Variants in EEF2K observed in about 807,000 individuals in gnomAD.
EEF2K encodes the protein alternative protein EEF2K.
In EEF2K, 70 loss-of-function variants were observed where a neutral mutation model predicts 93.8. The observed-to-expected ratio is 0.75, with a 90% CI of 0.62 to 0.91. EEF2K has a LOEUF of 0.91. Among genes scored for constraint, EEF2K ranks in the 40% least tolerant of loss-of-function variants. The probability of loss-of-function intolerance (pLI) is 0.00; values close to 1 mark genes in which losing one functional copy is unlikely to be tolerated. For synonymous variants in EEF2K, 376 were observed against 380.8 expected, an observed-to-expected ratio of 0.99 and a Z score of 0.15; for missense variants, 935 against 972.9, an observed-to-expected ratio of 0.96 and a Z score of 0.52.
intron 16 of EEF2K, among the ~76,000 whole-genome samples, chr16:22,279,436 G>A (rs932139817): frequency 6.6e-6 from 1 of 151,344 alleles, no homozygotes; most frequent in Non-Finnish European, 1.5e-5. Flanking sequence ...TAATTTTTGT[G>A]GGTACATAGT....
intron 3 of EEF2K, among the ~76,000 whole-genome samples, 165 bp from the exon 4 acceptor site, chr16:22,248,590 A>G (rs184163995): frequency 5.1e-4 from 77 of 152,290 alleles, no homozygotes; most frequent in Admixed American, 1.8e-3. Flanking sequence ...AGGGAGGGAC[A>G]GTGTCTCCAA....
intron 16 of EEF2K, among the ~76,000 whole-genome samples, chr16:22,277,571 A>G (rs2047649594): frequency 2.0e-5 from 3 of 152,250 alleles, no homozygotes; most frequent in South Asian, 2.1e-4. Context: ...GTAGACAAAT[A>G]CAGCAAAATA....
intron 6 of EEF2K, among the ~76,000 whole-genome samples, chr16:22,253,603 T>C (rs770641805): frequency 6.6e-6 from 1 of 152,066 alleles, no homozygotes; most frequent in Non-Finnish European, 1.5e-5. Flanking sequence ...AGCCAGCCCA[T>C]CTCAGACAAC....
At chr16:22,244,553 G>A in intron 2 of EEF2K, 77 bp from the exon 3 acceptor site, 1 of 1,382,036 alleles carries the variant, frequency 7.2e-7, no homozygotes, top group Admixed American at 1.7e-5. Flanking sequence ...GAAATAACAG[G>A]GCAGGAGGAG....
intron 16 of EEF2K, among the ~76,000 whole-genome samples, chr16:22,278,621 G>T (rs1344592893): frequency 6.6e-6 from 1 of 152,196 alleles, no homozygotes; most frequent in Non-Finnish European, 1.5e-5. Context: ...GCAAGGCAGG[G>T]ACAGCAAGTC....
At chr16:22,281,334 T>G (rs1351819795) in intron 17 of EEF2K, among the ~76,000 whole-genome samples, 2 of 151,268 alleles carry the variant, frequency 1.3e-5, no homozygotes, top group Admixed American at 6.6e-5. Flanking sequence ...GGAACTCCTA[T>G]GCTCAAGCAA....
chr16:22,257,452 G>A (rs889127916), intron 8 of EEF2K, 67 bp downstream of exon 8: 10 of 1,587,634 alleles, frequency 6.3e-6, no homozygotes, highest in Middle Eastern at 1.7e-4. Flanking sequence ...TGAGTTCTTC[G>A]TACAGCCAAG....
intron 2 of EEF2K, 72 bp from the exon 3 acceptor site, chr16:22,244,558 G>A: frequency 7.0e-7 from 1 of 1,430,522 alleles, no homozygotes; most frequent in Non-Finnish European, 9.8e-7. Flanking sequence ...AACAGGGCAG[G>A]AGGAGTCCAC....
chr16:22,268,967 A>C (rs928358742), intron 15 of EEF2K, among the ~76,000 whole-genome samples: 5 of 151,812 alleles, frequency 3.3e-5, no homozygotes, highest in Non-Finnish European at 7.4e-5. Context: ...AAAAAAAAAA[A>C]GCTTTACAGT....
At chr16:22,206,922 G>A (rs961782838) in intron 1 of EEF2K, among the ~76,000 whole-genome samples, 3 of 152,198 alleles carry the variant, frequency 2.0e-5, no homozygotes, top group Non-Finnish European at 2.9e-5. Context: ...GATATGGAAA[G>A]CAATTGGCAA....
chr16:22,225,920 C>G lies in EEF2K; in HGVS notation c.191C>G (p.Thr64Arg). The G allele has an allele frequency of 6.2e-7, 1 of 1,614,158 alleles. No individual in the cohort carries two copies. Among genetic ancestry groups the G allele is most frequent in the South Asian group, 1.1e-5 (1 of 91,090 alleles). Reference sequence around the variant, plus strand: ...GTTAATAAGTACTACAGCAACCTAACAAAAAGTGAGCGGTATAGCTCCAGC... The same window carrying G: ...GTTAATAAGTACTACAGCAACCTAAGAAAAAGTGAGCGGTATAGCTCCAGC... The part of the protein sequence containing the change: ...SKVNKYYSNL[T>R]KSERYSSSGS... Residue 64 changes from threonine to arginine, a missense_variant, in exon 2 of 18, where the codon ACA becomes AGA. Transcript: ENST00000263026.
intron 12 of EEF2K, 134 bp from the exon 13 acceptor site, chr16:22,264,684 G>C (rs1478539485): frequency 1.2e-6 from 1 of 845,946 alleles, no homozygotes; most frequent in Non-Finnish European, 1.8e-6. Context: ...GGAACATAGG[G>C]CCAATTTTCT....
chr16:22,264,316 AAGT>A (rs2047495886), intron 12 of EEF2K, among the ~76,000 whole-genome samples: 4 of 146,054 alleles, frequency 2.7e-5, no homozygotes. Context: ...AAAAAAAAAA[AAGT>A]AAAACAGCTG....
chr16:22,262,070 A>G (rs571825059), intron 11 of EEF2K, among the ~76,000 whole-genome samples: 1 of 152,222 alleles, frequency 6.6e-6, no homozygotes, highest in East Asian at 1.9e-4. Context: ...TAAAGAAGGA[A>G]ATAAAACTAT....
At chr16:22,239,318 C>T (rs1277792466) in intron 2 of EEF2K, among the ~76,000 whole-genome samples, 7 of 152,072 alleles carry the variant, frequency 4.6e-5, no homozygotes, top group Non-Finnish European at 7.4e-5. Context: ...TAGTGGCTTA[C>T]GGAGTGGCGG....
At chr16:22,226,800 G>T (rs1199370774) in intron 2 of EEF2K, among the ~76,000 whole-genome samples, 4 of 152,128 alleles carry the variant, frequency 2.6e-5, no homozygotes, top group African/African-American at 7.2e-5. Context: ...TTTAGGTCAG[G>T]CGTGGTGTCT....
intron 16 of EEF2K, among the ~76,000 whole-genome samples, chr16:22,274,754 T>C (rs1446608715): frequency 6.6e-6 from 1 of 151,916 alleles, no homozygotes; most frequent in East Asian, 1.9e-4. Context: ...ACTACAGGCA[T>C]GTACCACCAC....
intron 2 of EEF2K, among the ~76,000 whole-genome samples, chr16:22,241,387 G>A (rs2047220285): frequency 6.6e-6 from 1 of 152,090 alleles, no homozygotes; most frequent in Non-Finnish European, 1.5e-5. Context: ...GGCCACGCCT[G>A]TAATCCCAGC....
intron 1 of EEF2K, among the ~76,000 whole-genome samples, chr16:22,219,971 C>T (rs2046995656): frequency 6.6e-6 from 1 of 152,170 alleles, no homozygotes; most frequent in Non-Finnish European, 1.5e-5. Flanking sequence ...AAGAACCCTT[C>T]CCTATGGTTG....
Sources: gnomAD v4.1 joint callset for allele counts (sites outside exome capture counted in the v4.1 genomes callset) on GRCh38, gnomAD v4.1.1 for gene constraint, MANE v1.5 for transcripts, NCBI Gene and HGNC (gene_info 2026-07-23, HGNC 2026-07-21) for gene names.